The following ELFN1 variants were observed in gnomAD, a reference collection of about 807,000 sequenced individuals.
ELFN1 encodes the protein protein ELFN1.
In ELFN1, 6 loss-of-function variants were observed where a neutral mutation model predicts 7.6. The observed-to-expected ratio is 0.79, with a 90% CI of 0.43 to 1.56. The LOEUF (loss-of-function observed/expected upper bound fraction) is 1.56. Ranked by LOEUF, ELFN1 falls within the 40% of genes most tolerant of loss-of-function variation. The pLI, the probability that ELFN1 is intolerant of heterozygous loss-of-function variation, is 0.01. For synonymous variants in ELFN1, 657 were observed against 588.1 expected (o/e 1.12, Z -1.70); for missense variants, 1,169 against 1,232.2 (o/e 0.95, Z 0.77).
chr7:1,685,489 AT>A (rs1416017793), intron 1 of ELFN1, among the ~76,000 whole-genome samples: 2 of 151,832 alleles, frequency 1.3e-5, no homozygotes, highest in East Asian at 3.9e-4. Flanking sequence ...GGCACAGTTT[AT>A]TTTTCTGTTC....
chr7:1,706,258 A>G (rs548356450), intron 2 of ELFN1, among the ~76,000 whole-genome samples: 1 of 152,308 alleles, frequency 6.6e-6, no homozygotes, highest in South Asian at 2.1e-4. Flanking sequence ...CCTCATCTCT[A>G]CTAAAAATAC....
At chr7:1,741,253 G>A (rs559124942) in intron 3 of ELFN1, among the ~76,000 whole-genome samples, 59 of 152,136 alleles carry the variant, frequency 3.9e-4, no homozygotes, top group Non-Finnish European at 7.2e-4. Context: ...CTGGCAGGGC[G>A]CTGGCCACAC....
intron 3 of ELFN1, among the ~76,000 whole-genome samples, chr7:1,733,888 G>T (rs576753577): frequency 1.1e-4 from 17 of 152,174 alleles, no homozygotes; most frequent in African/African-American, 4.1e-4. Context: ...TCCCCCAAAG[G>T]GTCCTTCCAG....
Position 1,747,261 on chromosome 7 carries a change from G to T in ELFN1, c.*178G>T. 1 of 667,856 alleles carries T rather than the reference G, an allele frequency of 1.5e-6. No individual in the cohort carries two copies. The highest frequency in any genetic ancestry group is 2.3e-6 in the Non-Finnish European group (1 of 435,708). 41.4% of individuals were successfully genotyped at this position (667,856 alleles called of 1,614,324 possible). On this transcript the variant is annotated 3_prime_UTR_variant, in exon 4 of 4. Coordinates refer to ENST00000424383, the MANE Select transcript of ELFN1 (RefSeq NM_001128636.4). ...GGGGGACACGTCCCGAGCTCCTGTG[G>T]CCGGTCCTGGGATGCGCTTGTCGCC...
intron 3 of ELFN1, among the ~76,000 whole-genome samples, chr7:1,743,777 C>T (rs1396095805): frequency 2.0e-5 from 3 of 152,188 alleles, no homozygotes; most frequent in Non-Finnish European, 2.9e-5. Flanking sequence ...GCGTTGTGGC[C>T]GGGCCTCCTG....
chr7:1,697,191 C>G (rs984129792), intron 2 of ELFN1, among the ~76,000 whole-genome samples: 4 of 152,334 alleles, frequency 2.6e-5, no homozygotes, highest in Middle Eastern at 3.4e-3. Context: ...AGGAGCCCCC[C>G]ACCCCTCCAG....
chr7:1,724,911 G>A (rs1029832267), intron 3 of ELFN1, among the ~76,000 whole-genome samples: 1 of 151,378 alleles, frequency 6.6e-6, no homozygotes, highest in Admixed American at 6.6e-5. Flanking sequence ...CATCTTCATC[G>A]CCTTACCTCA....
chr7:1,700,395 T>G (rs980344699), intron 2 of ELFN1, among the ~76,000 whole-genome samples: 7 of 152,212 alleles, frequency 4.6e-5, no homozygotes, highest in Non-Finnish European at 8.8e-5. Flanking sequence ...CAACCAGCAT[T>G]CCTGGACAAT....
In ELFN1 at chr7:1,670,763, C is replaced by T. The variant is rs1417560620; in HGVS notation, c.-549+409C>T. Among the ~76,000 whole-genome samples the T allele has an allele frequency of 6.6e-6, 1 of 152,168 alleles. No homozygotes were observed. Among genetic ancestry groups the T allele is most frequent in the Non-Finnish European group, 1.5e-5 (1 of 68,020 alleles). On this transcript the variant is annotated intron_variant, in intron 1 of 3. Transcript: ENST00000424383. The surrounding 1 kb of genome is among the most constrained non-coding windows in gnomAD (Gnocchi z 6.4). ...TTCCCGGAAATTAGGGGGCTGTCCTCACCTCCTGGCCGAGTCGCTGACCCC... is the reference window on the plus strand; with the variant it reads ...TTCCCGGAAATTAGGGGGCTGTCCTTACCTCCTGGCCGAGTCGCTGACCCC...
At chr7:1,719,281 C>A (rs1779939166) in intron 3 of ELFN1, among the ~76,000 whole-genome samples, 3 of 146,924 alleles carry the variant, frequency 2.0e-5, no homozygotes, top group Admixed American at 2.0e-4. Flanking sequence ...ACCAACAGGG[C>A]CCCGCCCACC....
Position 1,744,884 on chromosome 7 carries a change from C to T in ELFN1, c.288C>T (p.Ile96=), listed in dbSNP as rs765281801. 5.5e-5 allele frequency: 86 copies of T among 1,565,088 alleles called. No individual in the cohort carries two copies. Among genetic ancestry groups the T allele is most frequent in the Middle Eastern group, 5.0e-4 (3 of 6,004 alleles). ...ACCTCAACCTCACCAAGAACGAGATCGGCTACATCGAGGACGGCGCCTTCT... is the reference window on the plus strand; with the variant it reads ...ACCTCAACCTCACCAAGAACGAGATTGGCTACATCGAGGACGGCGCCTTCT... ...LTYLNLTKNE[I]GYIEDGAFSG... Residue 96 remains isoleucine, a synonymous_variant, in exon 4 of 4, where the codon ATC becomes ATT. Transcript: ENST00000424383.
chr7:1,697,022 G>A (rs76175635), intron 2 of ELFN1, among the ~76,000 whole-genome samples: 21,348 of 152,206 alleles, frequency 0.14, 1,715 homozygotes, highest in African/African-American at 0.21. Context: ...GAGGTGACTC[G>A]CCCAGGCTGG....
rs190776583 is a variant in ELFN1, at chr7:1,723,087, G to A, written c.-294+13835G>A. Among the ~76,000 whole-genome samples, 702 of 152,260 alleles carry A rather than the reference G, an allele frequency of 4.6e-3. 2 individuals are homozygous for A. Among genetic ancestry groups the A allele is most frequent in the Non-Finnish European group, 7.2e-3 (490 of 68,004 alleles). On this transcript the variant is annotated intron_variant, in intron 3 of 3. Transcript: ENST00000424383. ...CAGGTGCCTATAATCCCAGCTACTC[G>A]GGAGGCTGAGGCAGGAGAATCACTT...
rs1778747195 is a variant in ELFN1, at chr7:1,670,686, C to A, written c.-549+332C>A. The stretch of plus-strand genomic sequence containing the variant: ...CGCCTCTCTCCCTTCCGTCCCCCTT[C>A]GCCGTCCGCACCCTGCCCGGCGCCC... On this transcript the variant is annotated intron_variant, in intron 1 of 3. Transcript: ENST00000424383. This position sits in a 1 kb window ranked among gnomAD's most constrained non-coding sequence, Gnocchi z 6.4. 6.6e-6 allele frequency among the ~76,000 whole-genome samples: 1 copy of A among 152,200 alleles called. No individual in the cohort carries two copies. The highest frequency in any genetic ancestry group is 1.5e-5 in the Non-Finnish European group (1 of 68,022).
At position 1,745,646 on chromosome 7, in the gene ELFN1, C is replaced by T. The variant is rs1216314263; in HGVS notation, c.1050C>T (p.Asn350=). Reference sequence around the variant, plus strand: ...TGTACACCCTGGAGCATTTCAACAACAGCAAGGCCTCCACCGTGTCCAGGC... The same window carrying T: ...TGTACACCCTGGAGCATTTCAACAATAGCAAGGCCTCCACCGTGTCCAGGC... ...HRMYTLEHFN[N]SKASTVSRLT... The change falls in exon 4 of 4, where the codon AAC becomes AAT. Residue 350 remains asparagine (N), a synonymous_variant. Coordinates refer to ENST00000424383, the MANE Select transcript of ELFN1 (RefSeq NM_001128636.4). 6.4e-7 allele frequency: 1 copy of T among 1,551,198 alleles called. No homozygotes were observed. The highest frequency in any genetic ancestry group is 1.4e-5 in the African/African-American group (1 of 73,056).
chr7:1,698,138 T>C (rs1779356892), intron 2 of ELFN1, among the ~76,000 whole-genome samples: 2 of 152,238 alleles, frequency 1.3e-5, no homozygotes, highest in East Asian at 3.8e-4. Context: ...ATAGGATGCC[T>C]ACATTTGAAC....
rs57817654 is a variant in ELFN1 at position 1,735,170 on chromosome 7, A to G, written c.-293-9134A>G. Reference sequence around the variant, plus strand: ...CCTGAACCCTGGGGAGGGGCTTTGCATGCGGGAGGTGCTGCACACCGGCGG... The same window carrying G: ...CCTGAACCCTGGGGAGGGGCTTTGCGTGCGGGAGGTGCTGCACACCGGCGG... On this transcript the variant is annotated intron_variant, in intron 3 of 3. Transcript: ENST00000424383. This position sits in a 1 kb window ranked among gnomAD's most constrained non-coding sequence, Gnocchi z 5.9. Among the ~76,000 whole-genome samples the G allele has an allele frequency of 0.12, 18,064 of 152,096 alleles. 2,782 individuals carry two copies. The highest frequency in any genetic ancestry group is 0.35 in the African/African-American group (14,699 of 41,412).
chr7:1,747,212 G>T lies in ELFN1; in HGVS notation c.*129G>T. 1.1e-5 allele frequency: 12 copies of T among 1,115,394 alleles called. No homozygotes were observed. The highest frequency in any genetic ancestry group is 1.2e-5 in the Non-Finnish European group (10 of 820,668). 69.1% of individuals were successfully genotyped at this position (1,115,394 alleles called of 1,614,324 possible). On this transcript the variant is annotated 3_prime_UTR_variant, in exon 4 of 4. Coordinates refer to ENST00000424383, the MANE Select transcript of ELFN1 (RefSeq NM_001128636.4). ...CAGCGGGGGGCCCTGCAGAGGCGAG[G>T]GGGGAGCGAGTGGGGACAGACAAGG...
rs2128572237 is a variant in ELFN1 at position 1,670,737 on chromosome 7, C to G, written c.-549+383C>G. ...CCCAGACGCGGCCCCCTGCCCTTCC[C>G]TTCCCGGAAATTAGGGGGCTGTCCT... On this transcript the variant is annotated intron_variant, in intron 1 of 3. Coordinates refer to ENST00000424383, the MANE Select transcript of ELFN1 (RefSeq NM_001128636.4). This position sits in a 1 kb window ranked among gnomAD's most constrained non-coding sequence, Gnocchi z 6.4. Among the ~76,000 whole-genome samples, 1 of 152,308 alleles carries G rather than the reference C, an allele frequency of 6.6e-6. No homozygotes were observed. The highest frequency in any genetic ancestry group is 2.1e-4 in the South Asian group (1 of 4,832).
Sources: gnomAD v4.1 joint callset for allele counts (sites outside exome capture counted in the v4.1 genomes callset) on GRCh38, gnomAD v4.1.1 for gene constraint, Gnocchi (gnomAD v3.1) non-coding constraint, MANE v1.5 for transcripts, NCBI Gene and HGNC (gene_info 2026-07-23, HGNC 2026-07-21) for gene names.